The following VAT1L variants were observed in gnomAD, a reference collection of about 807,000 sequenced individuals.
The protein encoded by VAT1L is vesicle amine transport 1 like.
In VAT1L, 34 loss-of-function variants were observed where a neutral mutation model predicts 44.1. The observed-to-expected ratio is 0.77, with a 90% CI of 0.59 to 1.03. The LOEUF (loss-of-function observed/expected upper bound fraction) is 1.03. Ranked by LOEUF, VAT1L falls within the 50% of genes least tolerant of loss-of-function variation. The pLI, the probability that VAT1L is intolerant of heterozygous loss-of-function variation, is 0.00. For missense variants in VAT1L, 615 were observed against 538.8 expected, an observed-to-expected ratio of 1.14 and a Z score of -1.40; for synonymous variants, 253 against 202.2, an observed-to-expected ratio of 1.25 and a Z score of -2.13.
intron 7 of VAT1L, among the ~76,000 whole-genome samples, chr16:77,896,764 C>G (rs1036238135): frequency 6.6e-6 from 1 of 152,212 alleles, no homozygotes; most frequent in Non-Finnish European, 1.5e-5. Context: ...CACAGCTCAG[C>G]ACTCCTTGTT....
chr16:77,918,281 T>C (rs548503914), intron 7 of VAT1L, among the ~76,000 whole-genome samples: 4 of 152,318 alleles, frequency 2.6e-5, no homozygotes, highest in African/African-American at 9.6e-5. Flanking sequence ...TTCAAAGATT[T>C]AGAAACATTT....
At position 77,868,669 on chromosome 16, in the gene VAT1L, G is replaced by A. The variant is rs114450694; in HGVS notation, c.722+5779G>A. Among the ~76,000 whole-genome samples the A allele has an allele frequency of 5.3e-3, 802 of 152,314 alleles. 3 individuals are homozygous for A. The highest frequency in any genetic ancestry group is 0.018 in the African/African-American group (750 of 41,550). ...ACTGACTCTCACAAAGGAAGTGAGG[G>A]CGGCTTGCTCCTCAGCCAGGGAGGA... On this transcript the variant is annotated intron_variant, in intron 4 of 8. Transcript: ENST00000302536.
At chr16:77,844,417 T>A (rs201873381) in intron 3 of VAT1L, among the ~76,000 whole-genome samples, 3 of 151,066 alleles carry the variant, frequency 2.0e-5, no homozygotes, top group African/African-American at 7.3e-5. Flanking sequence ...TATTTTTTTT[T>A]ATTTTTTCTG....
intron 3 of VAT1L, among the ~76,000 whole-genome samples, chr16:77,859,902 A>T (rs1597070922): frequency 6.6e-6 from 1 of 152,228 alleles, no homozygotes; most frequent in South Asian, 2.1e-4. Context: ...TTGAAGCCCT[A>T]ACCCCCAGTA....
intron 3 of VAT1L, among the ~76,000 whole-genome samples, chr16:77,860,193 C>A (rs957656740): frequency 6.6e-6 from 1 of 152,200 alleles, no homozygotes; most frequent in Non-Finnish European, 1.5e-5. Context: ...GCCTCCAGAA[C>A]TGTGAGAAAA....
chr16:77,853,926 G>A (rs571675407), intron 3 of VAT1L, among the ~76,000 whole-genome samples: 4 of 151,988 alleles, frequency 2.6e-5, no homozygotes, highest in African/African-American at 9.7e-5. Context: ...TCAGGATTTC[G>A]AGACCAGCCT....
intron 3 of VAT1L, 131 bp downstream of exon 3, chr16:77,825,592 T>C (rs1597053443): frequency 1.9e-6 from 2 of 1,062,940 alleles, no homozygotes; most frequent in Non-Finnish European, 2.8e-6. Context: ...AGAGTTCACA[T>C]GGACAGCAAA....
intron 7 of VAT1L, among the ~76,000 whole-genome samples, chr16:77,942,511 T>A (rs544021384): frequency 5.3e-5 from 8 of 152,288 alleles, no homozygotes; most frequent in African/African-American, 1.9e-4. Context: ...GTAATGGGAC[T>A]GCTGGGTCAA....
At chr16:77,957,335 C>T (rs2018114347) in intron 7 of VAT1L, among the ~76,000 whole-genome samples, 1 of 152,164 alleles carries the variant, frequency 6.6e-6, no homozygotes, top group African/African-American at 2.4e-5. Flanking sequence ...GCAATTACAT[C>T]ATTAGTAAAT....
At chr16:77,958,999 C>T (rs1488186438) in intron 7 of VAT1L, among the ~76,000 whole-genome samples, 1 of 152,206 alleles carries the variant, frequency 6.6e-6, no homozygotes, top group South Asian at 2.1e-4. Flanking sequence ...AGGACCAAGA[C>T]TATGATTAGT....
intron 7 of VAT1L, among the ~76,000 whole-genome samples, chr16:77,964,437 G>T (rs1364762230): frequency 1.3e-5 from 2 of 151,928 alleles, no homozygotes; most frequent in Non-Finnish European, 2.9e-5. Context: ...CCCCCAGCAA[G>T]GGCATCACTC....
chr16:77,823,171 G>A (rs369862454), intron 2 of VAT1L, among the ~76,000 whole-genome samples: 4 of 151,674 alleles, frequency 2.6e-5, no homozygotes, highest in Admixed American at 1.3e-4. Context: ...AGGGTTTTGG[G>A]AGCGCTCACC....
At chr16:77,870,480 T>A (rs1027743221) in intron 4 of VAT1L, among the ~76,000 whole-genome samples, 1 of 152,206 alleles carries the variant, frequency 6.6e-6, no homozygotes, top group Non-Finnish European at 1.5e-5. Flanking sequence ...TGTTGGAACC[T>A]ACTGCCACTC....
At chr16:77,858,265 A>G (rs2016881546) in intron 3 of VAT1L, among the ~76,000 whole-genome samples, 1 of 152,130 alleles carries the variant, frequency 6.6e-6, no homozygotes, top group Non-Finnish European at 1.5e-5. Context: ...GGGGATGGAG[A>G]TGACTGAGTG....
intron 2 of VAT1L, among the ~76,000 whole-genome samples, chr16:77,819,891 G>A (rs1433266904): frequency 5.3e-5 from 8 of 152,178 alleles, no homozygotes; most frequent in Admixed American, 5.2e-4. Flanking sequence ...TTCTTTTAGA[G>A]CAAACATGTA....
chr16:77,972,205 A>G (rs1227616809), intron 8 of VAT1L, among the ~76,000 whole-genome samples: 1 of 152,218 alleles, frequency 6.6e-6, no homozygotes, highest in Non-Finnish European at 1.5e-5. Flanking sequence ...TGTCTATTAC[A>G]GCTGCTAGCT....
rs202151663 is a variant in VAT1L at position 77,891,356 on chromosome 16, AAAAC to A, written c.1077+6566_1077+6569del. ...GCGACAGAGCAAGACTCCGTCTAAA[AAAAC>A]AAACAAACAAAAAAATTCAGTTCCT... On this transcript the variant is annotated intron_variant, in intron 7 of 8. Coordinates refer to ENST00000302536, the MANE Select transcript of VAT1L (RefSeq NM_020927.3). Among the ~76,000 whole-genome samples the A allele has an allele frequency of 7.9e-3, 1,208 of 152,322 alleles. 15 individuals carry two copies. Among genetic ancestry groups the A allele is most frequent in the African/African-American group, 0.027 (1,127 of 41,574 alleles).
At chr16:77,926,160 GGA>G (rs2017665190) in intron 7 of VAT1L, among the ~76,000 whole-genome samples, 1 of 151,410 alleles carries the variant, frequency 6.6e-6, no homozygotes, top group Non-Finnish European at 1.5e-5. Flanking sequence ...GGCTGAGGCA[GGA>G]GAGTGGCGTG....
chr16:77,911,123 C>T (rs989996351), intron 7 of VAT1L, among the ~76,000 whole-genome samples: 1 of 152,130 alleles, frequency 6.6e-6, no homozygotes, highest in African/African-American at 2.4e-5. Context: ...ACTGTACCAC[C>T]CAGTAAGACC....
Sources: allele counts gnomAD v4.1 joint callset (sites outside exome capture counted in the v4.1 genomes callset), GRCh38; gene constraint gnomAD v4.1.1; transcripts MANE v1.5; gene names NCBI Gene and HGNC (gene_info 2026-07-23, HGNC 2026-07-21).